Variants in BTD observed in about 807,000 individuals in gnomAD.
BTD encodes the protein biotinidase.
Under a neutral mutation model 17.7 loss-of-function variants are expected in BTD, and 13 were observed. The observed-to-expected ratio is 0.74, with a 90% CI of 0.48 to 1.17. The LOEUF (loss-of-function observed/expected upper bound fraction) is 1.17, where lower values mean the gene tolerates loss of function less well. BTD is among the 50% of genes most tolerant of loss of function. The pLI is 0.00. For synonymous variants in BTD, 240 were observed against 245.2 expected, an observed-to-expected ratio of 0.98 and a Z score of 0.20; for missense variants, 674 against 650.4, an observed-to-expected ratio of 1.04 and a Z score of -0.39.
intron 3 of BTD, among the ~76,000 whole-genome samples, chr3:15,660,185 G>T (rs536235882): frequency 2.6e-5 from 4 of 152,254 alleles, no homozygotes; most frequent in African/African-American, 9.6e-5. Context: ...TTTGCCCAGG[G>T]TCACCCAGCT....
downstream of BTD, among the ~76,000 whole-genome samples, chr3:15,717,443 C>A (rs1184869571): frequency 6.6e-6 from 1 of 151,910 alleles, no homozygotes; most frequent in Non-Finnish European, 1.5e-5. Context: ...ACAGTTATTT[C>A]TTTCTGAACT....
At chr3:15,688,652 A>C (rs1395884320) in intron 3 of BTD, among the ~76,000 whole-genome samples, 2 of 152,182 alleles carry the variant, frequency 1.3e-5, no homozygotes, top group Non-Finnish European at 2.9e-5. Context: ...AAGCTTCCCA[A>C]AGGACTAGAA....
chr3:15,703,130 ATATC>A (rs2070853658), intron 3 of BTD, among the ~76,000 whole-genome samples: 1 of 152,192 alleles, frequency 6.6e-6, no homozygotes, highest in Non-Finnish European at 1.5e-5. Flanking sequence ...AAAGGCAAAT[ATATC>A]TTCTATATAC....
At chr3:15,666,686 TTCA>T (rs34933910) in intron 3 of BTD, among the ~76,000 whole-genome samples, 69,491 of 151,932 alleles carry the variant, frequency 0.46, 18,634 homozygotes, top group Non-Finnish European at 0.59. Flanking sequence ...CTTGTATATT[TTCA>T]TCATCTTTCC....
intron 1 of BTD, among the ~76,000 whole-genome samples, chr3:15,608,243 T>G (rs1418842309): frequency 6.6e-6 from 1 of 152,220 alleles, no homozygotes; most frequent in Non-Finnish European, 1.5e-5. Flanking sequence ...GGGAGTGCTG[T>G]GGGAAGAAAA....
chr3:15,614,057 A>G (rs2064715963), intron 1 of BTD, among the ~76,000 whole-genome samples: 1 of 147,072 alleles, frequency 6.8e-6, no homozygotes, highest in South Asian at 2.1e-4. Context: ...ATTCTCACCT[A>G]TTATACCTTC....
chr3:15,697,510 G>GC (rs1370602635), intron 3 of BTD: 3 of 147,160 alleles, frequency 2.0e-5, no homozygotes, highest in Non-Finnish European at 4.5e-5. Flanking sequence ...TCATGTGTTT[G>GC]TTTTTTTTTT....
chr3:15,712,169 GA>G, exon 4 of BTD: 7 of 1,584,174 alleles, frequency 4.4e-6, no homozygotes, highest in African/African-American at 1.3e-5. Flanking sequence ...GCAGCAATCT[GA>G]AAAGCCGCTT....
chr3:15,696,150 C>T (rs762410032), intron 3 of BTD: 6 of 1,582,440 alleles, frequency 3.8e-6, no homozygotes, highest in Admixed American at 1.8e-5. Flanking sequence ...AAGACATAGA[C>T]GGTGACCATA....
intron 1 of BTD, among the ~76,000 whole-genome samples, chr3:15,608,291 C>A (rs557725362): frequency 6.6e-6 from 1 of 152,290 alleles, no homozygotes; most frequent in South Asian, 2.1e-4. Flanking sequence ...GCTTTGTGTT[C>A]ATCCATTATG....
chr3:15,647,055 G>A lies in BTD; in HGVS notation c.*1567G>A, dbSNP rs1055397487. The A allele has an allele frequency of 6.6e-6, 1 of 152,238 alleles. No individual in the cohort carries two copies. The highest frequency in any genetic ancestry group is 1.9e-4 in the East Asian group (1 of 5,200). 9.4% of individuals were successfully genotyped at this position (152,238 alleles called of 1,614,324 possible). A position where few individuals can be genotyped will look rare whatever the true frequency, so the allele number is the denominator to read the frequency against. On this transcript the variant is annotated 3_prime_UTR_variant, in exon 4 of 4. Transcript: ENST00000643237. ...TCACTGATCCCTCGGAAAGGTCTGG[G>A]ATGAGTCAAGTCTTCAGGGAATAAG...
intron 3 of BTD, among the ~76,000 whole-genome samples, chr3:15,707,765 A>G (rs1224527453): frequency 2.0e-5 from 3 of 152,232 alleles, no homozygotes; most frequent in Non-Finnish European, 4.4e-5. Context: ...TGATTTATCA[A>G]TAACTATGAA....
At position 15,721,127 on chromosome 3, in the gene BTD, T is replaced by A. The variant is rs2073677118; in HGVS notation, c.1016-643T>A. 3.1e-6 allele frequency: 5 copies of A among 1,608,370 alleles called. No homozygotes were observed. In the South Asian group the frequency reaches 5.6e-5, roughly 18 times the overall value. ...TTTCCATAGGCATTTGGTTCATTCA[T>A]CTATTAGAAGGGAAAAAAATGCGAA... On this transcript the variant is annotated intron_variant, in intron 4 of 4. Transcript: ENST00000672427.
chr3:15,673,217 T>C (rs2066562482), intron 3 of BTD, among the ~76,000 whole-genome samples: 4 of 152,248 alleles, frequency 2.6e-5, no homozygotes, highest in African/African-American at 9.6e-5. Flanking sequence ...GAAGACCCTC[T>C]TAAGTACTCT....
intron 1 of BTD, among the ~76,000 whole-genome samples, chr3:15,603,407 C>T (rs1461215391): frequency 6.6e-6 from 1 of 152,180 alleles, no homozygotes; most frequent in East Asian, 1.9e-4. Flanking sequence ...CCTGTAATCC[C>T]AGCACTTTGG....
intron 3 of BTD, among the ~76,000 whole-genome samples, chr3:15,642,504 G>A (rs937898380): frequency 1.3e-5 from 2 of 148,438 alleles, no homozygotes; most frequent in Non-Finnish European, 1.5e-5. Flanking sequence ...ACCCAGGCTG[G>A]AGCGCAGTGG....
At chr3:15,717,025 A>G (rs2073155858), downstream of BTD, among the ~76,000 whole-genome samples, 2 of 152,192 alleles carry the variant, frequency 1.3e-5, no homozygotes, top group Admixed American at 1.3e-4. Context: ...TTTAATTCTC[A>G]CAACCCTATC....
rs537297427 is a variant in BTD at position 15,620,133 on chromosome 3, G to A, written c.-16-15291G>A. On this transcript the variant is annotated intron_variant, in intron 1 of 3. Coordinates refer to ENST00000643237, the MANE Select transcript of BTD (RefSeq NM_001370658.1). ...GTCTATGTTCAGCGGTGCACATATT[G>A]TCTTGATAAACATCTTAAACAACAG... Among the ~76,000 whole-genome samples, 4 of 152,322 alleles carry A rather than the reference G, an allele frequency of 2.6e-5. 1 individual carries two copies. In the Middle Eastern group the frequency reaches 0.014, roughly 518 times the overall value.
intron 3 of BTD, chr3:15,684,307 A>G (rs2470543): frequency 0.72 from 109,790 of 152,066 alleles, 39,845 homozygotes; most frequent in East Asian, 0.94. Flanking sequence ...GTGACCTTTT[A>G]TGAGTCTACC....
Sources: gnomAD v4.1 joint callset for allele counts (sites outside exome capture counted in the v4.1 genomes callset) on GRCh38, gnomAD v4.1.1 for gene constraint, MANE v1.5 for transcripts, NCBI Gene and HGNC (gene_info 2026-07-23, HGNC 2026-07-21) for gene names.